Variants in HPSE2 observed in about 807,000 individuals in gnomAD.
HPSE2 encodes inactive heparanase-2.
HPSE2 carries 38 observed loss-of-function variants against 60.5 expected under a neutral mutation model. That is an observed-to-expected ratio of 0.63 (90% CI 0.48 to 0.82). The LOEUF is 0.82. Ranked by LOEUF, HPSE2 falls within the 40% of genes least tolerant of loss-of-function variation. The pLI is 0.00. For missense variants in HPSE2, 713 were observed against 740.4 expected, an observed-to-expected ratio of 0.96 and a Z score of 0.43; for synonymous variants, 295 against 293.2, an observed-to-expected ratio of 1.01 and a Z score of -0.06.
intron 3 of HPSE2, among the ~76,000 whole-genome samples, chr10:99,120,304 C>T (rs573084455): frequency 6.6e-6 from 1 of 152,192 alleles, no homozygotes; most frequent in South Asian, 2.1e-4. Context: ...TTTTGAAAGA[C>T]ATATATGTGG....
At chr10:98,608,510 T>G (rs944214312) in intron 9 of HPSE2, among the ~76,000 whole-genome samples, 1 of 152,162 alleles carries the variant, frequency 6.6e-6, no homozygotes, top group Non-Finnish European at 1.5e-5. Context: ...TCCTGTCAGA[T>G]AGTGCAGAGC....
In HPSE2 at chr10:98,909,311, T is replaced by C. The variant is rs943943285; in HGVS notation, c.611-165255A>G. 2.0e-5 allele frequency among the ~76,000 whole-genome samples: 3 copies of C among 152,152 alleles called. No homozygotes were observed. In the South Asian group the frequency reaches 6.2e-4, roughly 31 times the overall value. ...AATGCCAATAAGGAACATGTAATAG[T>C]TCCACAACTGGTATTCAAAAAAGTT... is the stretch of plus-strand genomic sequence containing the variant. On this transcript the variant is annotated intron_variant, in intron 3 of 11. Coordinates refer to ENST00000370552, the MANE Select transcript of HPSE2 (RefSeq NM_021828.5).
intron 3 of HPSE2, among the ~76,000 whole-genome samples, chr10:98,920,487 GA>G (rs1470287417): frequency 6.6e-6 from 1 of 152,108 alleles, no homozygotes; most frequent in Non-Finnish European, 1.5e-5. Context: ...TATTAAGAAT[GA>G]AAATCACAGG....
Position 98,950,078 on chromosome 10 carries a change from GTTC to G in HPSE2, c.610+194157_610+194159del, listed in dbSNP as rs530527031. ...ATGGTATCCAGGTGCAGTTTAACTGGTTCTTCTTCTTTTAGTCTCTCACGTTGA... is the reference window on the plus strand; with the variant it reads ...ATGGTATCCAGGTGCAGTTTAACTGGTTCTTCTTTTAGTCTCTCACGTTGA... On this transcript the variant is annotated intron_variant, in intron 3 of 11. Coordinates refer to ENST00000370552, the MANE Select transcript of HPSE2 (RefSeq NM_021828.5). Among the ~76,000 whole-genome samples the G allele has an allele frequency of 5.8e-3, 876 of 152,126 alleles. 4 individuals carry two copies. The highest frequency in any genetic ancestry group is 0.02 in the African/African-American group (820 of 41,494).
In HPSE2 at chr10:98,598,285, G is replaced by A. The variant is rs372678171; in HGVS notation, c.1320+16619C>T. Among the ~76,000 whole-genome samples the A allele has an allele frequency of 3.5e-4, 53 of 152,318 alleles. No individual in the cohort carries two copies. The East Asian group carries it at 8.9e-3, about 26-fold the overall frequency. On this transcript the variant is annotated intron_variant, in intron 9 of 11. Coordinates refer to ENST00000370552, the MANE Select transcript of HPSE2 (RefSeq NM_021828.5). ...TCTGGAGTGGTCCATAGATGGGCTT[G>A]CTGCTGGAGTCTTTGGGCAGGCTGA...
chr10:99,288,014 G>C, the HPSE2 span, among the ~76,000 whole-genome samples: 1 of 152,166 alleles, frequency 6.6e-6, no homozygotes, highest in South Asian at 2.1e-4. Flanking sequence ...GTCATATTTT[G>C]AATTTTACAG....
rs567757064 is a variant in HPSE2, at chr10:98,488,920, C to G, written c.1466+1131G>C. ...ACAAGACAACTGGCCCCTGCCCCCC[C>G]TCTCCTCAGAGTGATTCTTTGAAAA... is the stretch of plus-strand genomic sequence containing the variant. On this transcript the variant is annotated intron_variant, in intron 10 of 11. Transcript: ENST00000370552. Among the ~76,000 whole-genome samples, 39 of 152,328 alleles carry G rather than the reference C, an allele frequency of 2.6e-4. No homozygotes were observed. The South Asian group carries it at 7.1e-3, about 28-fold the overall frequency.
At chr10:98,952,559 C>T (rs936258156) in intron 3 of HPSE2, among the ~76,000 whole-genome samples, 1 of 152,050 alleles carries the variant, frequency 6.6e-6, no homozygotes, top group East Asian at 1.9e-4. Context: ...GTTGCTCTGG[C>T]CAAAGAAAAT....
At chr10:98,785,683 TGTC>T (rs1950555226) in intron 3 of HPSE2, among the ~76,000 whole-genome samples, 1 of 147,074 alleles carries the variant, frequency 6.8e-6, no homozygotes, top group Admixed American at 6.8e-5. Context: ...AGAGTGTATG[TGTC>T]GAGGAATGTA....
intron 7 of HPSE2, among the ~76,000 whole-genome samples, chr10:98,638,826 G>A (rs192942210): frequency 5.3e-5 from 8 of 152,180 alleles, no homozygotes; most frequent in South Asian, 2.1e-4. Flanking sequence ...CACCTCTAGC[G>A]TATACTCACT....
chr10:99,042,371 TGCATTTCTCTGGGGTGGAATTCCCAGAG>T (rs1372052962), intron 3 of HPSE2, among the ~76,000 whole-genome samples: 3 of 151,388 alleles, frequency 2.0e-5, no homozygotes, highest in East Asian at 3.9e-4. Context: ...GAAGCAGCTC[TGCATTTCTCTGGGGTGGAATTCCCAGAG>T]GCATTTCTCT....
At chr10:98,835,899 C>G (rs1016090127) in intron 3 of HPSE2, among the ~76,000 whole-genome samples, 3 of 152,004 alleles carry the variant, frequency 2.0e-5, no homozygotes, top group Admixed American at 2.0e-4. Flanking sequence ...TGCACTAGAC[C>G]CCCAACAAAT....
chr10:98,661,615 T>A lies in HPSE2; in HGVS notation c.1005-19675A>T, dbSNP rs1370744786. On this transcript the variant is annotated intron_variant, in intron 6 of 11. Coordinates refer to ENST00000370552, the MANE Select transcript of HPSE2 (RefSeq NM_021828.5). The stretch of plus-strand genomic sequence containing the variant: ...CCTTTTTTCACCTAAACAATATATC[T>A]TTGTTTCATATCAGTCCACAAAGAG... Among the ~76,000 whole-genome samples, 3 of 152,218 alleles carry A rather than the reference T, an allele frequency of 2.0e-5. No individual in the cohort carries two copies. The East Asian group carries it at 5.8e-4, about 29-fold the overall frequency.
the HPSE2 span, among the ~76,000 whole-genome samples, chr10:99,283,704 T>C: frequency 1.3e-5 from 2 of 151,956 alleles, no homozygotes; most frequent in East Asian, 3.9e-4. Context: ...TAAAAAGGCT[T>C]AAAAGAGAAT....
chr10:98,580,448 G>A (rs1944763842), intron 9 of HPSE2, among the ~76,000 whole-genome samples: 1 of 151,408 alleles, frequency 6.6e-6, no homozygotes, highest in South Asian at 2.1e-4. Flanking sequence ...GTATCTTTTT[G>A]TTTTTCTTTA....
intron 7 of HPSE2, among the ~76,000 whole-genome samples, chr10:98,638,377 G>A (rs555130839): frequency 6.0e-5 from 9 of 149,918 alleles, no homozygotes; most frequent in South Asian, 2.1e-4. Flanking sequence ...CCCGGGAGGC[G>A]GAGCTTGCAG....
rs747177462 is a variant in HPSE2 at position 98,641,885 on chromosome 10, A to G, written c.1060T>C (p.Leu354=). 6.2e-7 allele frequency: 1 copy of G among 1,614,002 alleles called. No individual in the cohort carries two copies. The highest frequency in any genetic ancestry group is 8.5e-7 in the Non-Finnish European group (1 of 1,179,940). ...CTAATCTGGTCAGAGAGTGTGTCTA[A>G]CAGGCGAGTTTTCAGGAAGTCCATC... ...KVMDFLKTRL[L]DTLSDQIRKI... Residue 354 remains leucine (L), a synonymous_variant, in exon 7 of 12, where the codon TTA becomes CTA. Transcript: ENST00000370552.
chr10:99,191,102 C>A (rs1848204365), intron 2 of HPSE2, among the ~76,000 whole-genome samples: 1 of 152,110 alleles, frequency 6.6e-6, no homozygotes, highest in Admixed American at 6.5e-5. Context: ...GCCAGCTCAG[C>A]AGCAGTGGAA....
intron 3 of HPSE2, among the ~76,000 whole-genome samples, chr10:98,795,140 C>G (rs1950751471): frequency 6.6e-6 from 1 of 152,122 alleles, no homozygotes; most frequent in African/African-American, 2.4e-5. Context: ...ATGTGTCTCC[C>G]TGTCCCCCAT....
Sources: gnomAD v4.1 joint callset for allele counts (sites outside exome capture counted in the v4.1 genomes callset) on GRCh38, gnomAD v4.1.1 for gene constraint, MANE v1.5 for transcripts, NCBI Gene and HGNC (gene_info 2026-07-23, HGNC 2026-07-21) for gene names.